The following TRPS1 variants were observed in gnomAD, a reference collection of about 807,000 sequenced individuals.
TRPS1 encodes transcriptional repressor GATA binding 1, also known as zinc finger transcription factor Trps1.
TRPS1 carries 6 observed loss-of-function variants against 101.2 expected under a neutral mutation model. That is an observed-to-expected ratio of 0.06 (90% CI 0.03 to 0.12). The LOEUF (loss-of-function observed/expected upper bound fraction) is 0.12. Ranked by LOEUF, TRPS1 falls within the 10% of genes least tolerant of loss-of-function variation. The pLI, the probability that TRPS1 is intolerant of heterozygous loss-of-function variation, is 1.00. For synonymous variants in TRPS1, 578 were observed against 589.8 expected, an observed-to-expected ratio of 0.98 and a Z score of 0.29; for missense variants, 1,363 against 1,567.0, an observed-to-expected ratio of 0.87 and a Z score of 2.20.
At chr8:115,614,915 C>T (rs549990747) in intron 3 of TRPS1, among the ~76,000 whole-genome samples, 14 of 152,068 alleles carry the variant, frequency 9.2e-5, no homozygotes, top group Non-Finnish European at 1.6e-4. Flanking sequence ...TGTACTGATA[C>T]ATGTTAAAGA....
chr8:115,546,156 A>G (rs929744602), intron 5 of TRPS1, among the ~76,000 whole-genome samples: 2 of 151,860 alleles, frequency 1.3e-5, no homozygotes, highest in Non-Finnish European at 2.9e-5. Flanking sequence ...AAAATAAATA[A>G]CATGCAACAA....
intron 1 of TRPS1, among the ~76,000 whole-genome samples, chr8:115,634,265 G>A (rs73367219): frequency 0.034 from 5,121 of 152,170 alleles, 270 homozygotes; most frequent in African/African-American, 0.12. Flanking sequence ...TGAGAACTTT[G>A]GGTTTAAGCA....
chr8:115,626,379 T>C (rs1818509756), intron 1 of TRPS1, among the ~76,000 whole-genome samples: 1 of 151,770 alleles, frequency 6.6e-6, no homozygotes, highest in African/African-American at 2.4e-5. Context: ...GAGAACATTG[T>C]TTATCCAATT....
chr8:115,468,735 C>T (rs1041299867), intron 5 of TRPS1, among the ~76,000 whole-genome samples: 2 of 152,156 alleles, frequency 1.3e-5, no homozygotes, highest in Non-Finnish European at 1.5e-5. Flanking sequence ...ATGTTTTCTC[C>T]AATCCTCCAC....
intron 5 of TRPS1, among the ~76,000 whole-genome samples, chr8:115,430,892 T>C (rs1813302724): frequency 6.6e-6 from 1 of 151,848 alleles, no homozygotes; most frequent in African/African-American, 2.4e-5. Flanking sequence ...TCTTACATAG[T>C]GGAGAATAAA....
intron 1 of TRPS1, among the ~76,000 whole-genome samples, chr8:115,640,867 T>A (rs1483547526): frequency 6.6e-6 from 1 of 152,184 alleles, no homozygotes; most frequent in African/African-American, 2.4e-5. Flanking sequence ...CTCCCTTATA[T>A]AACAGGTAAG....
At chr8:115,595,019 A>T (rs1324272163) in intron 4 of TRPS1, among the ~76,000 whole-genome samples, 1 of 151,912 alleles carries the variant, frequency 6.6e-6, no homozygotes, top group South Asian at 2.1e-4. Flanking sequence ...TTTTAACCAC[A>T]GTTTTTATTC....
chr8:115,625,883 C>G (rs892105983), intron 1 of TRPS1, among the ~76,000 whole-genome samples: 2 of 151,782 alleles, frequency 1.3e-5, no homozygotes, highest in African/African-American at 4.8e-5. Context: ...TTCTTATTTT[C>G]ATAATATGTA....
At position 115,414,478 on chromosome 8, in the gene TRPS1, C is replaced by T. The variant is rs1180274964; in HGVS notation, c.3430G>A (p.Val1144Met). The change falls in exon 7 of 7, where the codon GTG becomes ATG. Residue 1144 changes from valine (V) to methionine (M), a missense_variant. Transcript: ENST00000395715. This position sits in a 1 kb window ranked among gnomAD's most constrained non-coding sequence, Gnocchi z 4.8. The stretch of plus-strand genomic sequence containing the variant: ...TGGCAAGGATTTGGTAGGCCAGGCA[C>T]GTGACTCAAGTAGTGCGGATTCCCA... ...VPGNPHYLSH[V>M]PGLPNPCQNY... 3.7e-6 allele frequency: 6 copies of T among 1,613,774 alleles called. No homozygotes were observed. The highest frequency in any genetic ancestry group is 4.2e-6 in the Non-Finnish European group (5 of 1,179,950).
At chr8:115,498,449 A>AGT (rs1410270934) in intron 5 of TRPS1, among the ~76,000 whole-genome samples, 16 of 102,044 alleles carry the variant, frequency 1.6e-4, no homozygotes, top group African/African-American at 5.8e-4. Flanking sequence ...ATATATATAT[A>AGT]TAGTTGATTC....
chr8:115,606,807 C>CAAAAAAAA (rs72238288), intron 3 of TRPS1, among the ~76,000 whole-genome samples: 1 of 123,458 alleles, frequency 8.1e-6, no homozygotes, highest in Non-Finnish European at 1.8e-5. Flanking sequence ...GTTCATTTGC[C>CAAAAAAAA]AAAAAAAAAA....
intron 4 of TRPS1, among the ~76,000 whole-genome samples, chr8:115,596,279 T>A (rs1208050571): frequency 6.6e-6 from 1 of 151,962 alleles, no homozygotes; most frequent in Non-Finnish European, 1.5e-5. Context: ...TAGACCATAA[T>A]TATATTACTG....
intron 1 of TRPS1, chr8:115,667,744 A>G: frequency 7.8e-7 from 1 of 1,287,744 alleles, no homozygotes; most frequent in Non-Finnish European, 1.1e-6. Context: ...TTTAAGGGAA[A>G]AAAGTTTGAA....
chr8:115,417,435 T>C (rs800907), intron 6 of TRPS1, among the ~76,000 whole-genome samples: 91,147 of 151,976 alleles, frequency 0.6, 28,743 homozygotes, highest in East Asian at 0.81. Context: ...CACTGGCTTG[T>C]GCTAAGAGCT....
chr8:115,466,303 T>C (rs1452074988), intron 5 of TRPS1, among the ~76,000 whole-genome samples: 8 of 152,136 alleles, frequency 5.3e-5, no homozygotes, highest in Non-Finnish European at 1.2e-4. Context: ...GTATCAACAG[T>C]TTGACTGAAA....
At chr8:115,639,305 G>A (rs1160136273) in intron 1 of TRPS1, among the ~76,000 whole-genome samples, 1 of 152,108 alleles carries the variant, frequency 6.6e-6, no homozygotes, top group African/African-American at 2.4e-5. Context: ...CAAGGCTCAA[G>A]CCATCCTGCC....
intron 5 of TRPS1, among the ~76,000 whole-genome samples, chr8:115,506,954 T>G (rs1815459644): frequency 6.6e-6 from 1 of 152,166 alleles, no homozygotes; most frequent in African/African-American, 2.4e-5. Flanking sequence ...TAATTCATTT[T>G]CAGTTTTTAA....
chr8:115,585,478 T>C (rs1311801254), intron 5 of TRPS1, among the ~76,000 whole-genome samples: 4 of 152,138 alleles, frequency 2.6e-5, no homozygotes. Context: ...TCCGGTGATA[T>C]AGATATAAGG....
chr8:115,472,952 T>A (rs550280712), intron 5 of TRPS1, among the ~76,000 whole-genome samples: 3 of 152,304 alleles, frequency 2.0e-5, no homozygotes, highest in African/African-American at 4.8e-5. Flanking sequence ...CATATCACTA[T>A]CAGCATGTTA....
Sources: allele counts gnomAD v4.1 joint callset (sites outside exome capture counted in the v4.1 genomes callset), GRCh38; gene constraint gnomAD v4.1.1; non-coding constraint Gnocchi (gnomAD v3.1); transcripts MANE v1.5; gene names NCBI Gene and HGNC (gene_info 2026-07-23, HGNC 2026-07-21).